Variants in CCL7 observed in about 807,000 individuals in gnomAD.
CCL7 encodes the protein C-C motif chemokine ligand 7.
CCL7 carries 8 observed loss-of-function variants against 7.1 expected under a neutral mutation model. The ratio of observed to expected loss-of-function variants is 1.13; its 90% confidence interval spans 0.66 to 2.04. The LOEUF is 2.04. Ranked by LOEUF, CCL7 falls within the 30% of genes most tolerant of loss-of-function variation. CCL7 has a pLI of 0.00. For synonymous variants in CCL7, 46 were observed against 41.2 expected, an observed-to-expected ratio of 1.12 and a Z score of -0.45; for missense variants, 134 against 113.6, an observed-to-expected ratio of 1.18 and a Z score of -0.82.
intron 1 of CCL7, among the ~76,000 whole-genome samples, chr17:34,270,843 G>A (rs1908109276): frequency 6.6e-6 from 1 of 152,168 alleles, no homozygotes; most frequent in South Asian, 2.1e-4. Flanking sequence ...CCATAGTTGG[G>A]GTACCCTTGC....
intron 1 of CCL7, among the ~76,000 whole-genome samples, chr17:34,270,899 G>C (rs1908113649): frequency 6.6e-6 from 1 of 152,174 alleles, no homozygotes; most frequent in African/African-American, 2.4e-5. Flanking sequence ...GCAATGCCCA[G>C]AGTAGCCATC....
chr17:34,271,015 T>G (rs1334918972), intron 1 of CCL7, 131 bp from the exon 2 acceptor site: 15 of 1,538,070 alleles, frequency 9.8e-6, no homozygotes, highest in South Asian at 9.0e-5. Flanking sequence ...ACATTGGGTT[T>G]GGGATGGGCA....
rs755393759 is a variant in CCL7 at position 34,271,233 on chromosome 17, C to T, written c.164C>T (p.Thr55Ile). 1.2e-6 allele frequency: 2 copies of T among 1,614,060 alleles called. No homozygotes were observed. The highest frequency in any genetic ancestry group is 1.7e-6 in the Non-Finnish European group (2 of 1,179,972). The change falls in exon 2 of 3, where the codon ACC (threonine) becomes ATC (isoleucine). Residue 55 changes from threonine to isoleucine, a missense_variant. Coordinates refer to ENST00000378569, the MANE Select transcript of CCL7 (RefSeq NM_006273.4). ...AGGCTGGAGAGCTACAGAAGGACCA[C>T]CAGTAGCCACTGTCCCCGGGAAGCT... ...KQRLESYRRT[T>I]SSHCPREAVI...
At position 34,272,090 on chromosome 17, in the gene CCL7, G is replaced by A. The variant is rs1908197861; in HGVS notation, c.*288G>A. 2 of 308,238 alleles carry A rather than the reference G, an allele frequency of 6.5e-6. No homozygotes were observed. Among genetic ancestry groups the A allele is most frequent in the Non-Finnish European group, 1.2e-5 (2 of 167,068 alleles). 19.1% of individuals were successfully genotyped at this position (308,238 alleles called of 1,614,324 possible). ...GCTCCTCCCTTCTCTACCTCATGGGGGTATTGTATAAGTCCTTGCAAGAAT... is the reference window on the plus strand; with the variant it reads ...GCTCCTCCCTTCTCTACCTCATGGGAGTATTGTATAAGTCCTTGCAAGAAT... On this transcript the variant is annotated 3_prime_UTR_variant, in exon 3 of 3. Transcript: ENST00000378569.
chr17:34,271,805 A>G lies in CCL7; in HGVS notation c.*3A>G, dbSNP rs763307897. On this transcript the variant is annotated 3_prime_UTR_variant, in exon 3 of 3. Transcript: ENST00000378569. Reference sequence around the variant, plus strand: ...AAACCCAAACTCCAAAGCTTTGAACATTCATGACTGAACTGAAAACAAGCC... The same window carrying G: ...AAACCCAAACTCCAAAGCTTTGAACGTTCATGACTGAACTGAAAACAAGCC... The G allele has an allele frequency of 6.9e-6, 11 of 1,586,284 alleles. 1 individual carries two copies. Among genetic ancestry groups the G allele is most frequent in the South Asian group, 3.3e-5 (3 of 89,894 alleles).
chr17:34,271,655 C>G, intron 2 of CCL7, 42 bp from the exon 3 acceptor site: 1 of 1,334,418 alleles, frequency 7.5e-7, no homozygotes, highest in Non-Finnish European at 1.1e-6. Flanking sequence ...CAGGCTGAAC[C>G]CTCAAGGTGT....
intron 2 of CCL7, 23 bp downstream of exon 2, chr17:34,271,286 C>T: frequency 6.3e-7 from 1 of 1,588,360 alleles, no homozygotes. Flanking sequence ...TGACCACCCA[C>T]CCCTCACACC....
chr17:34,270,581 C>G (rs1471276427), intron 1 of CCL7, among the ~76,000 whole-genome samples: 1 of 152,234 alleles, frequency 6.6e-6, no homozygotes, highest in African/African-American at 2.4e-5. Flanking sequence ...AAATCCAGCT[C>G]CTTCTAGGAT....
At chr17:34,271,307 GTTCTTCCCT>G (rs1908149764) in intron 2 of CCL7, 44 bp downstream of exon 2, 1 of 1,518,302 alleles carries the variant, frequency 6.6e-7, no homozygotes, top group Non-Finnish European at 9.1e-7. Context: ...TCAGTCCTAG[GTTCTTCCCT>G]GGGCAGGGAA....
Position 34,271,861 on chromosome 17 carries a change from C to A in CCL7, c.*59C>A. On this transcript the variant is annotated 3_prime_UTR_variant, in exon 3 of 3. Transcript: ENST00000378569. ...TTGAGAAACAAATAATTTGTATACC[C>A]TGTCCTTTCTCAGAGTGGTTCTGAG... 2.0e-6 allele frequency: 2 copies of A among 1,016,816 alleles called. No individual in the cohort carries two copies. Among genetic ancestry groups the A allele is most frequent in the Admixed American group, 2.1e-5 (1 of 47,282 alleles). The allele number at this position is 1,016,816 out of a possible 1,614,324, so 63.0% of individuals were successfully genotyped here. A position where few individuals can be genotyped will look rare whatever the true frequency, so the allele number is the denominator to read the frequency against.
In CCL7 at chr17:34,271,148, G is replaced by A; in HGVS notation, c.79G>A (p.Gly27Arg). 1.9e-6 allele frequency: 3 copies of A among 1,614,024 alleles called. No individual in the cohort carries two copies. Among genetic ancestry groups the A allele is most frequent in the Non-Finnish European group, 2.5e-6 (3 of 1,179,990 alleles). Residue 27 changes from glycine (G) to arginine (R), a missense_variant and splice_region_variant, in exon 2 of 3, where the codon GGG (glycine) becomes AGG (arginine). Transcript: ENST00000378569. Reference sequence around the variant, plus strand: ...TTCTTCTTGTTGTTTCATTGCAGTTGGGATTAATACTTCAACTACCTGCTG... The same window carrying A: ...TTCTTCTTGTTGTTTCATTGCAGTTAGGATTAATACTTCAACTACCTGCTG... ...FSPQGLAQPV[G>R]INTSTTCCYR...
Position 34,270,426 on chromosome 17 carries a change from C to G in CCL7, c.76+60C>G, listed in dbSNP as rs41346847. The G allele has an allele frequency of 1.4e-3, 1,888 of 1,371,540 alleles. 42 individuals are homozygous for G. The East Asian group carries it at 0.035, about 25-fold the overall frequency. The allele number at this position is 1,371,540 out of a possible 1,614,324, so 85.0% of individuals were successfully genotyped here. A position where few individuals can be genotyped will look rare whatever the true frequency, so the allele number is the denominator to read the frequency against. On this transcript the variant is annotated intron_variant, in intron 1 of 2. Transcript: ENST00000378569. ...TGCCCCCTCTCTGGGTTATCCTGGACCAATCAAGAAGACCTGATACCCACA... is the reference window on the plus strand; with the variant it reads ...TGCCCCCTCTCTGGGTTATCCTGGAGCAATCAAGAAGACCTGATACCCACA...
rs974697496 is a variant in CCL7, at chr17:34,271,197, T to C, written c.128T>C (p.Ile43Thr). ...TCCYRFINKK[I>T]PKQRLESYRR... Reference sequence around the variant, plus strand: ...TGCTACAGATTTATCAATAAGAAAATCCCTAAGCAGAGGCTGGAGAGCTAC... The same window carrying C: ...TGCTACAGATTTATCAATAAGAAAACCCCTAAGCAGAGGCTGGAGAGCTAC... The change falls in exon 2 of 3, where the codon ATC becomes ACC. Residue 43 changes from isoleucine (I) to threonine (T), a missense_variant. Physicochemically the swap from Ile to Thr is moderately conservative, Grantham distance 89 (BLOSUM62 -1). Coordinates refer to ENST00000378569, the MANE Select transcript of CCL7 (RefSeq NM_006273.4). The C allele has an allele frequency of 2.5e-5, 41 of 1,613,904 alleles. No individual in the cohort carries two copies. Among genetic ancestry groups the C allele is most frequent in the Middle Eastern group, 1.6e-4 (1 of 6,084 alleles).
chr17:34,271,483 G>A lies in CCL7; in HGVS notation c.195-214G>A, dbSNP rs544222306. Reference sequence around the variant, plus strand: ...CAGCTATCATTTTACATCTCAGTTCGTTCCTTCATCCTGGAACCAAGAGAG... The same window carrying A: ...CAGCTATCATTTTACATCTCAGTTCATTCCTTCATCCTGGAACCAAGAGAG... On this transcript the variant is annotated intron_variant, in intron 2 of 2. Transcript: ENST00000378569. Among the ~76,000 whole-genome samples, 13 of 152,280 alleles carry A rather than the reference G, an allele frequency of 8.5e-5. No individual in the cohort carries two copies. The South Asian group carries it at 2.5e-3, about 29-fold the overall frequency.
rs771707444 is a variant in CCL7, at chr17:34,270,362, G to C, written c.72G>C (p.Gln24His). The C allele has an allele frequency of 1.2e-6, 2 of 1,613,930 alleles. No homozygotes were observed. Among genetic ancestry groups the C allele is most frequent in the South Asian group, 2.2e-5 (2 of 91,088 alleles). ...AAAFSPQGLA[Q>H]PVGINTSTTC... ...CTTTCAGCCCCCAGGGGCTTGCTCA[G>C]CCAGGTAAGGTCCCTCTCTCCTTCT... The change falls in exon 1 of 3, where the codon CAG becomes CAC. Residue 24 changes from glutamine (Q) to histidine (H), a missense_variant. Transcript: ENST00000378569.
Position 34,271,697 on chromosome 17 carries a change from C to A in CCL7, c.195C>A (p.Ile65=). 6.2e-7 allele frequency: 1 copy of A among 1,605,842 alleles called. No individual in the cohort carries two copies. The highest frequency in any genetic ancestry group is 1.7e-4 in the Middle Eastern group (1 of 6,038). The change falls in exon 3 of 3, where the codon ATC becomes ATA. Residue 65 remains isoleucine, a splice_region_variant and synonymous_variant. Coordinates refer to ENST00000378569, the MANE Select transcript of CCL7 (RefSeq NM_006273.4). Reference sequence around the variant, plus strand: ...TGACTGTCTCCTTTCTGCTCCACAGCTTCAAGACCAAACTGGACAAGGAGA... The same window carrying A: ...TGACTGTCTCCTTTCTGCTCCACAGATTCAAGACCAAACTGGACAAGGAGA... ...TSSHCPREAV[I]FKTKLDKEIC...
At position 34,270,284 on chromosome 17, in the gene CCL7, C is replaced by G; in HGVS notation, c.-7C>G. Reference sequence around the variant, plus strand: ...TCATGTGGAAGCCCATGCCCTCACCCTCCAACATGAAAGCCTCTGCAGCAC... The same window carrying G: ...TCATGTGGAAGCCCATGCCCTCACCGTCCAACATGAAAGCCTCTGCAGCAC... On this transcript the variant is annotated 5_prime_UTR_variant, in exon 1 of 3. Coordinates refer to ENST00000378569, the MANE Select transcript of CCL7 (RefSeq NM_006273.4). 6.2e-7 allele frequency: 1 copy of G among 1,614,154 alleles called. No individual in the cohort carries two copies. The highest frequency in any genetic ancestry group is 8.5e-7 in the Non-Finnish European group (1 of 1,179,960).
Position 34,271,228 on chromosome 17 carries a change from G to A in CCL7, c.159G>A (p.Arg53=). ...AGCAGAGGCTGGAGAGCTACAGAAGGACCACCAGTAGCCACTGTCCCCGGG... is the reference window on the plus strand; with the variant it reads ...AGCAGAGGCTGGAGAGCTACAGAAGAACCACCAGTAGCCACTGTCCCCGGG... The part of the protein sequence containing the change: ...IPKQRLESYR[R]TTSSHCPREA... Residue 53 remains arginine, a synonymous_variant, in exon 2 of 3, where the codon AGG becomes AGA. Transcript: ENST00000378569. 6.2e-7 allele frequency: 1 copy of A among 1,614,064 alleles called. No individual in the cohort carries two copies. Among genetic ancestry groups the A allele is most frequent in the Non-Finnish European group, 8.5e-7 (1 of 1,179,992 alleles).
At chr17:34,270,757 C>T (rs1908103738) in intron 1 of CCL7, among the ~76,000 whole-genome samples, 1 of 152,194 alleles carries the variant, frequency 6.6e-6, no homozygotes. Context: ...CTTCCAGAAA[C>T]AGCAGCTCTG....
Sources: allele counts gnomAD v4.1 joint callset (sites outside exome capture counted in the v4.1 genomes callset), GRCh38; gene constraint gnomAD v4.1.1; transcripts MANE v1.5; gene names NCBI Gene and HGNC (gene_info 2026-07-23, HGNC 2026-07-21).